The following MLXIP variants were observed in gnomAD, a reference collection of about 807,000 sequenced individuals.
MLXIP encodes the protein MLX interacting protein, also known as MLX-interacting protein.
MLXIP carries 30 observed loss-of-function variants against 87.2 expected under a neutral mutation model. The ratio of observed to expected loss-of-function variants is 0.34; its 90% CI spans 0.26 to 0.47. MLXIP has a LOEUF of 0.47. Among genes scored for constraint, MLXIP ranks in the 20% least tolerant of loss-of-function variants. The pLI is 1.00. For synonymous variants in MLXIP, 530 were observed against 514.0 expected (o/e 1.03, Z -0.42); for missense variants, 1,002 against 1,240.1 (o/e 0.81, Z 2.88).
chr12:122,086,838 T>A (rs1473619512), intron 1 of MLXIP, among the ~76,000 whole-genome samples: 1 of 152,130 alleles, frequency 6.6e-6, no homozygotes, highest in African/African-American at 2.4e-5. Context: ...GGGGAGATGC[T>A]CTTCTTCACT....
chr12:122,121,809 G>A (rs1274197021), intron 1 of MLXIP, among the ~76,000 whole-genome samples: 4 of 152,232 alleles, frequency 2.6e-5, no homozygotes, highest in African/African-American at 7.2e-5. Flanking sequence ...TCCAAGAAAA[G>A]TTTTGAGAGA....
intron 11 of MLXIP, chr12:122,136,472 A>G (rs1207490704): frequency 6.6e-6 from 1 of 151,390 alleles, no homozygotes; most frequent in African/African-American, 2.4e-5. Flanking sequence ...AAAAAAAAAA[A>G]AAAAAAAAAA....
intron 15 of MLXIP, 44 bp downstream of exon 15, chr12:122,138,982 T>C: frequency 6.2e-7 from 1 of 1,609,710 alleles, no homozygotes; most frequent in Non-Finnish European, 8.5e-7. Context: ...CCTCAGCCAA[T>C]GCACTGAAGC....
At chr12:122,104,290 C>T (rs1197433386) in intron 1 of MLXIP, among the ~76,000 whole-genome samples, 5 of 152,186 alleles carry the variant, frequency 3.3e-5, no homozygotes, top group Admixed American at 1.3e-4. Flanking sequence ...AAGGTTCCCT[C>T]GCGCCCTTCC....
chr12:122,134,060 T>C (rs1565985620), intron 9 of MLXIP, 73 bp downstream of exon 9: 2 of 1,476,110 alleles, frequency 1.4e-6, no homozygotes, highest in East Asian at 2.5e-5. Context: ...CCAAAGGCTT[T>C]CAAACTTGTG....
At chr12:122,109,620 A>G (rs1047544460) in intron 1 of MLXIP, among the ~76,000 whole-genome samples, 1 of 152,352 alleles carries the variant, frequency 6.6e-6, no homozygotes, top group East Asian at 1.9e-4. Context: ...GATTTGCAGC[A>G]TGTCTGAAAT....
In MLXIP at chr12:122,145,235, AAGC is replaced by A. The variant is rs1236423546; in HGVS notation, c.*3429_*3431del. ...GTCTGGTTGAGGGGAAGGGGCTGGA[AAGC>A]AGCAGACCCCCCCAGTGCTGCGCAT... On this transcript the variant is annotated 3_prime_UTR_variant, in exon 17 of 17. Coordinates refer to ENST00000319080, the MANE Select transcript of MLXIP (RefSeq NM_014938.6). 1.3e-5 allele frequency: 2 copies of A among 152,264 alleles called. No individual in the cohort carries two copies. The highest frequency in any genetic ancestry group is 4.8e-5 in the African/African-American group (2 of 41,454). The allele number at this position is 152,264 out of a possible 1,614,324, so 9.4% of individuals were successfully genotyped here.
At chr12:122,085,878 A>T (rs531995297) in intron 1 of MLXIP, among the ~76,000 whole-genome samples, 6 of 152,096 alleles carry the variant, frequency 3.9e-5, no homozygotes, top group Non-Finnish European at 8.8e-5. Context: ...TGACTGTGCT[A>T]GGTCATATGG....
intron 1 of MLXIP, among the ~76,000 whole-genome samples, chr12:122,121,331 A>G (rs1382313380): frequency 7.5e-6 from 1 of 134,002 alleles, no homozygotes; most frequent in African/African-American, 2.9e-5. Flanking sequence ...TTTTTTTTAA[A>G]TTGAGATGGA....
At chr12:122,113,845 T>C (rs1157368300) in intron 1 of MLXIP, among the ~76,000 whole-genome samples, 2 of 151,206 alleles carry the variant, frequency 1.3e-5, no homozygotes, top group Non-Finnish European at 3.0e-5. Context: ...CCAGCATGCC[T>C]GGCTAACTTT....
chr12:122,094,273 G>GTT (rs1952307416), intron 1 of MLXIP, among the ~76,000 whole-genome samples: 1 of 139,212 alleles, frequency 7.2e-6, no homozygotes, highest in African/African-American at 2.7e-5. Context: ...GTGTGGGTGT[G>GTT]TGCGATGTCT....
intron 2 of MLXIP, 101 bp downstream of exon 2, chr12:122,127,463 C>T (rs2135969185): frequency 1.2e-6 from 1 of 812,828 alleles, no homozygotes. Flanking sequence ...CCTGGTGTTT[C>T]TAACAGAAGT....
rs1491085866 is a variant in MLXIP at position 122,134,204 on chromosome 12, G to GTTT, written c.1732+217_1732+218insTTT. On this transcript the variant is annotated intron_variant, in intron 9 of 16. Transcript: ENST00000319080. ...CTCTATCTTTTTTGTTTTTTTGTTT[G>GTTT]GTTTTTTTTTTTTTGAGACAGTCTC... 5 of 585,726 alleles carry GTTT rather than the reference G, an allele frequency of 8.5e-6. No individual in the cohort carries two copies. The South Asian group carries it at 9.3e-5, about 11-fold the overall frequency. 36.3% of individuals were successfully genotyped at this position (585,726 alleles called of 1,614,324 possible).
intron 1 of MLXIP, among the ~76,000 whole-genome samples, chr12:122,086,202 C>G (rs1952166227): frequency 6.6e-6 from 1 of 152,194 alleles, no homozygotes; most frequent in Non-Finnish European, 1.5e-5. Context: ...AGACCCAAAT[C>G]AGACCTCTGA....
intron 1 of MLXIP, among the ~76,000 whole-genome samples, chr12:122,093,927 TGTG>T (rs1257885597): frequency 0.17 from 20,788 of 122,624 alleles, 2,296 homozygotes; most frequent in East Asian, 0.25. Context: ...CGGTGTCTGG[TGTG>T]GTGGTGTGTG....
intron 1 of MLXIP, among the ~76,000 whole-genome samples, chr12:122,126,199 G>A (rs965196928): frequency 6.6e-6 from 1 of 152,232 alleles, no homozygotes; most frequent in African/African-American, 2.4e-5. Context: ...GTGCCACCAG[G>A]GAGGCTGGGT....
chr12:122,137,320 C>G lies in MLXIP; in HGVS notation c.2033-149C>G. 1 of 743,106 alleles carries G rather than the reference C, an allele frequency of 1.3e-6. No homozygotes were observed. The highest frequency in any genetic ancestry group is 2.0e-6 in the Non-Finnish European group (1 of 489,130). The allele number at this position is 743,106 out of a possible 1,614,324, so 46.0% of individuals were successfully genotyped here. A position where few individuals can be genotyped will look rare whatever the true frequency, so the allele number is the denominator to read the frequency against. Reference sequence around the variant, plus strand: ...TTTTCAGGGAGTGAATAAGAATAATCTAAGGAAGCATGTGTGTGCAGTTGA... The same window carrying G: ...TTTTCAGGGAGTGAATAAGAATAATGTAAGGAAGCATGTGTGTGCAGTTGA... On this transcript the variant is annotated intron_variant, in intron 11 of 16. Transcript: ENST00000319080. This position sits in a 1 kb window ranked among gnomAD's most constrained non-coding sequence, Gnocchi z 4.1.
At chr12:122,140,530 G>A (rs1378728028) in intron 15 of MLXIP, among the ~76,000 whole-genome samples, 1 of 152,142 alleles carries the variant, frequency 6.6e-6, no homozygotes, top group Non-Finnish European at 1.5e-5. Context: ...CTGACCTCAA[G>A]TGATTCACCC....
intron 1 of MLXIP, among the ~76,000 whole-genome samples, chr12:122,097,513 A>G (rs1952372312): frequency 6.6e-6 from 1 of 151,802 alleles, no homozygotes; most frequent in Non-Finnish European, 1.5e-5. Context: ...CCAGCTGCTC[A>G]GGAGGCTGAG....
Sources: allele counts gnomAD v4.1 joint callset (sites outside exome capture counted in the v4.1 genomes callset), GRCh38; gene constraint gnomAD v4.1.1; non-coding constraint Gnocchi (gnomAD v3.1); transcripts MANE v1.5; gene names NCBI Gene and HGNC (gene_info 2026-07-23, HGNC 2026-07-21).